Variants in RP1 observed in about 807,000 individuals in gnomAD.
The protein encoded by RP1 is oxygen-regulated protein 1.
RP1 carries 16 observed loss-of-function variants against 14.8 expected under a neutral mutation model. The observed-to-expected ratio is 1.08, with a 90% CI of 0.73 to 1.65. The LOEUF (loss-of-function observed/expected upper bound fraction) is 1.65. Ranked by LOEUF, RP1 falls within the 40% of genes most tolerant of loss-of-function variation. The pLI is 0.00. For missense variants in RP1, 2,631 were observed against 2,535.0 expected, an observed-to-expected ratio of 1.04 and a Z score of -0.81; for synonymous variants, 876 against 883.6, an observed-to-expected ratio of 0.99 and a Z score of 0.15.
chr8:54,725,998 C>T (rs1050335904), intron 16 of RP1, among the ~76,000 whole-genome samples: 6 of 151,988 alleles, frequency 3.9e-5, no homozygotes, highest in Admixed American at 3.3e-4. Flanking sequence ...TTTTAGTTTC[C>T]CCTTTTGAGG....
At chr8:54,761,342 T>A (rs1210629866) in intron 22 of RP1, among the ~76,000 whole-genome samples, 1 of 148,764 alleles carries the variant, frequency 6.7e-6, no homozygotes, top group Non-Finnish European at 1.5e-5. Context: ...GTTGAAGCAA[T>A]TCTCCTGCCT....
chr8:54,564,378 T>G (rs1209217389), intron 1 of RP1, among the ~76,000 whole-genome samples: 1 of 152,170 alleles, frequency 6.6e-6, no homozygotes. Flanking sequence ...CACTTCACAG[T>G]GCAAGTGTGG....
In RP1 at chr8:54,627,197, T is replaced by A. The variant is rs773354222; in HGVS notation, c.3315T>A (p.Val1105=). The A allele has an allele frequency of 2.5e-6, 4 of 1,614,066 alleles. No homozygotes were observed. The South Asian group carries it at 3.3e-5, about 13-fold the overall frequency. ...GTATTCACAAGACTCAGAATGGAGT[T>A]GTTCAAATGCCAGGTTCACTTGCAG... ...VPGIHKTQNG[V]VQMPGSLAGV... The change falls in exon 4 of 4, where the codon GTT becomes GTA. Residue 1105 remains valine, a synonymous_variant. Transcript: ENST00000220676.
At chr8:54,686,041 A>G (rs1807556702) in intron 12 of RP1, among the ~76,000 whole-genome samples, 1 of 152,200 alleles carries the variant, frequency 6.6e-6, no homozygotes, top group Admixed American at 6.6e-5. Flanking sequence ...ATGCAAATAG[A>G]AAAACTTTTT....
chr8:54,730,168 G>A (rs1158230145), intron 17 of RP1, among the ~76,000 whole-genome samples: 1 of 151,928 alleles, frequency 6.6e-6, no homozygotes, highest in Non-Finnish European at 1.5e-5. Flanking sequence ...TCCCTATGTT[G>A]AGCAGAAAAA....
intron 3 of RP1, among the ~76,000 whole-genome samples, chr8:54,638,797 TG>T (rs552750955): frequency 7.2e-4 from 109 of 152,258 alleles, no homozygotes; most frequent in Middle Eastern, 6.8e-3. Context: ...CTCCGTTTTT[TG>T]TTCTTTCATT....
intron 1 of RP1, among the ~76,000 whole-genome samples, chr8:54,586,297 G>A (rs1804919742): frequency 6.6e-6 from 1 of 152,182 alleles, no homozygotes; most frequent in Non-Finnish European, 1.5e-5. Context: ...CAGCAGCAGA[G>A]GCTGCAGAAC....
intron 12 of RP1, chr8:54,697,253 T>A: frequency 1.7e-6 from 1 of 595,770 alleles, no homozygotes; most frequent in Admixed American, 2.6e-5. Flanking sequence ...AAAGGAAGGG[T>A]CAAAAAAAAG....
At chr8:54,863,279 T>A (rs1157604101) in intron 27 of RP1, among the ~76,000 whole-genome samples, 1 of 152,076 alleles carries the variant, frequency 6.6e-6, no homozygotes, top group African/African-American at 2.4e-5. Flanking sequence ...GCCTACAGTA[T>A]TTAGTACAGT....
chr8:54,565,991 C>T (rs966209417), intron 1 of RP1, among the ~76,000 whole-genome samples: 3 of 152,174 alleles, frequency 2.0e-5, no homozygotes, highest in Non-Finnish European at 4.4e-5. Flanking sequence ...ACTCCTGTCT[C>T]TGCCTTCATC....
At chr8:54,827,747 A>G (rs1001055048) in intron 24 of RP1, among the ~76,000 whole-genome samples, 1 of 152,098 alleles carries the variant, frequency 6.6e-6, no homozygotes, top group Non-Finnish European at 1.5e-5. Context: ...AAAATACAAA[A>G]ATTAGCCAGG....
chr8:54,739,618 C>T (rs762693074), intron 19 of RP1, among the ~76,000 whole-genome samples: 3 of 151,132 alleles, frequency 2.0e-5, no homozygotes, highest in East Asian at 1.9e-4. Context: ...GATGACCACT[C>T]GGTGGTGCAT....
intron 21 of RP1, among the ~76,000 whole-genome samples, chr8:54,757,798 A>C (rs1210692173): frequency 1.3e-5 from 2 of 152,232 alleles, no homozygotes; most frequent in Admixed American, 6.5e-5. Flanking sequence ...GACCTGCCTC[A>C]TGAAACGTCC....
intron 23 of RP1, among the ~76,000 whole-genome samples, chr8:54,779,451 A>G (rs1204430452): frequency 4.6e-5 from 7 of 152,192 alleles, no homozygotes; most frequent in Non-Finnish European, 7.3e-5. Context: ...TCTTTTGAGT[A>G]TTCAGTGGGT....
chr8:54,613,167 G>A (rs1163610779), upstream of RP1, among the ~76,000 whole-genome samples: 4 of 152,112 alleles, frequency 2.6e-5, no homozygotes, highest in Admixed American at 1.3e-4. Flanking sequence ...TACAGGGAAT[G>A]GTTTTTTAAG....
chr8:54,609,211 A>G (rs1266108137), intron 1 of RP1, among the ~76,000 whole-genome samples: 1 of 152,002 alleles, frequency 6.6e-6, no homozygotes, highest in Non-Finnish European at 1.5e-5. Context: ...GTCATTTTAC[A>G]TTTGTGTGGG....
In RP1 at chr8:54,628,329, G is replaced by C; in HGVS notation, c.4447G>C (p.Val1483Leu). ...NHDTDIFNTV[V>L]NGGEQATEEL... The stretch of plus-strand genomic sequence containing the variant: ...TGACACTGATATCTTTAATACAGTG[G>C]TAAATGGAGGAGAGCAAGCCACTGA... Residue 1483 changes from valine (V) to leucine (L), a missense_variant, in exon 4 of 4, where the codon GTA (valine) becomes CTA (leucine). By Grantham distance (32) the Val-to-Leu change is conservative (BLOSUM62 1). Coordinates refer to ENST00000220676, the MANE Select transcript of RP1 (RefSeq NM_006269.2). The C allele has an allele frequency of 6.2e-7, 1 of 1,613,750 alleles. No individual in the cohort carries two copies. The highest frequency in any genetic ancestry group is 8.5e-7 in the Non-Finnish European group (1 of 1,179,874).
chr8:54,656,065 ATAT>A (rs1371072722), intron 5 of RP1: 16 of 1,490,454 alleles, frequency 1.1e-5, no homozygotes, highest in Non-Finnish European at 1.4e-5. Context: ...TTTAAAAGTA[ATAT>A]TATTGTTATT....
intron 12 of RP1, chr8:54,696,780 T>TA: frequency 1.4e-6 from 1 of 728,090 alleles, no homozygotes; most frequent in Admixed American, 1.8e-5. Context: ...CCCCAGAACC[T>TA]AAAAATGCCA....
Sources: allele counts gnomAD v4.1 joint callset (sites outside exome capture counted in the v4.1 genomes callset), GRCh38; gene constraint gnomAD v4.1.1; transcripts MANE v1.5; gene names NCBI Gene and HGNC (gene_info 2026-07-23, HGNC 2026-07-21).